DIAPH2: variants seen among roughly 807,000 people sequenced by gnomAD.
DIAPH2 encodes the protein diaphanous related formin 2.
A neutral mutation model predicts 92.7 loss-of-function variants in DIAPH2; 35 were observed. The ratio of observed to expected loss-of-function variants is 0.38; its 90% CI spans 0.29 to 0.50. The LOEUF (loss-of-function observed/expected upper bound fraction) is 0.50, where lower values mean the gene tolerates loss of function less well. DIAPH2 is among the 20% of genes least tolerant of loss of function. DIAPH2 has a pLI of 0.94. For missense variants in DIAPH2, 701 were observed against 819.5 expected (o/e 0.86, Z 1.77); for synonymous variants, 301 against 280.4 (o/e 1.07, Z -0.73).
At chrX:96,907,241 C>A (rs1438737118) in intron 5 of DIAPH2, among the ~76,000 whole-genome samples, 1 of 112,071 alleles carries the variant, frequency 8.9e-6, no homozygotes, top group Non-Finnish European at 1.9e-5. Context: ...AAAATTTTAG[C>A]TGAAGTCTCC....
At chrX:97,297,587 T>G (rs952511556) in intron 23 of DIAPH2, among the ~76,000 whole-genome samples, 6 of 100,517 alleles carry the variant, frequency 6.0e-5, no homozygotes, top group Non-Finnish European at 1.2e-4. Context: ...TTTATTTTAG[T>G]GTTAATTTTT....
intron 4 of DIAPH2, among the ~76,000 whole-genome samples, chrX:96,769,020 T>C (rs2064321450): frequency 9.0e-6 from 1 of 110,856 alleles, no homozygotes; most frequent in African/African-American, 3.3e-5. Context: ...AGGTTAGACA[T>C]AAGGGCAAGG....
rs2065252052 is a variant in DIAPH2 at position 96,885,245 on chromosome X, CT to C, written c.587+3531del. ...TCGCTGCTTTTCTAACTGCTTTGAA[CT>C]TTTCGGATTTTCTGTATTTGAAGCT... is the stretch of plus-strand genomic sequence containing the variant. On this transcript the variant is annotated intron_variant, in intron 5 of 26. Coordinates refer to ENST00000324765, the MANE Select transcript of DIAPH2 (RefSeq NM_006729.5). 6.1e-6 allele frequency: 3 copies of C among 493,744 alleles called. No individual in the cohort carries two copies. In the East Asian group the frequency reaches 1.1e-4, roughly 18 times the overall value. 40.7% of individuals were successfully genotyped at this position (493,744 alleles called of 1,213,427 possible).
chrX:97,140,746 T>A (rs951806074), intron 21 of DIAPH2, among the ~76,000 whole-genome samples: 2 of 111,840 alleles, frequency 1.8e-5, no homozygotes, highest in Non-Finnish European at 3.8e-5. Flanking sequence ...TACCTAAATA[T>A]CCTGTACAGC....
At chrX:97,438,359 G>GTTTTTTTTTT (rs1238654436) in intron 26 of DIAPH2, among the ~76,000 whole-genome samples, 10 of 34,584 alleles carry the variant, frequency 2.9e-4, no homozygotes, top group African/African-American at 3.7e-4. Context: ...TTGTTTGTTT[G>GTTTTTTTTTT]TTTTTTTTTT....
At chrX:97,432,738 C>T (rs944034586) in intron 26 of DIAPH2, among the ~76,000 whole-genome samples, 2 of 111,096 alleles carry the variant, frequency 1.8e-5, no homozygotes, top group African/African-American at 6.5e-5. Context: ...CCGCCCACCT[C>T]GGCCTCCCAA....
intron 17 of DIAPH2, among the ~76,000 whole-genome samples, chrX:96,972,563 C>T (rs748805286): frequency 2.1e-4 from 23 of 110,770 alleles, no homozygotes; most frequent in Admixed American, 5.8e-4. Flanking sequence ...AGATCTTGTC[C>T]AGGCACCAGG....
At chrX:97,371,708 A>G (rs770467843) in intron 24 of DIAPH2, among the ~76,000 whole-genome samples, 3 of 111,373 alleles carry the variant, frequency 2.7e-5, no homozygotes, top group Non-Finnish European at 5.7e-5. Flanking sequence ...AATTGGTCTC[A>G]TCAAAAACCT....
intron 24 of DIAPH2, among the ~76,000 whole-genome samples, chrX:97,380,762 A>G (rs1439803031): frequency 4.5e-5 from 5 of 111,704 alleles, no homozygotes; most frequent in Non-Finnish European, 9.4e-5. Context: ...TCTTTTCAGC[A>G]TGAGGCCTTT....
At chrX:97,499,206 T>C (rs1274056924) in intron 26 of DIAPH2, among the ~76,000 whole-genome samples, 2 of 112,418 alleles carry the variant, frequency 1.8e-5, no homozygotes, top group Non-Finnish European at 3.8e-5. Context: ...TTGTGTCTCT[T>C]ATCTTCTAGA....
At chrX:97,377,206 G>A (rs1021446737) in intron 24 of DIAPH2, among the ~76,000 whole-genome samples, 3 of 112,013 alleles carry the variant, frequency 2.7e-5, no homozygotes, top group African/African-American at 9.7e-5. Context: ...GGACCTGCCC[G>A]AGGCCATTTT....
chrX:97,281,188 A>G (rs2068493816), intron 23 of DIAPH2, among the ~76,000 whole-genome samples: 1 of 112,069 alleles, frequency 8.9e-6, no homozygotes. Flanking sequence ...CAAAGAAAGT[A>G]TTTCTTGAAA....
rs1402253700 is a variant in DIAPH2, at chrX:97,604,733, G to C, written c.*5416G>C. Reference sequence around the variant, plus strand: ...CACAAAACTACCTCTGATACAGAAGGGTTCTTTACAAGCTTATTTTACATA... The same window carrying C: ...CACAAAACTACCTCTGATACAGAAGCGTTCTTTACAAGCTTATTTTACATA... On this transcript the variant is annotated 3_prime_UTR_variant, in exon 27 of 27. Coordinates refer to ENST00000324765, the MANE Select transcript of DIAPH2 (RefSeq NM_006729.5). The C allele has an allele frequency of 1.8e-5, 2 of 112,040 alleles. No individual in the cohort carries two copies. Among genetic ancestry groups the C allele is most frequent in the Non-Finnish European group, 3.8e-5 (2 of 53,149 alleles). 9.2% of individuals were successfully genotyped at this position (112,040 alleles called of 1,213,427 possible).
intron 26 of DIAPH2, among the ~76,000 whole-genome samples, chrX:97,553,985 T>A (rs1414458577): frequency 8.9e-6 from 1 of 111,940 alleles, no homozygotes; most frequent in Non-Finnish European, 1.9e-5. Context: ...ATATGTACCT[T>A]GTATATGTAT....
intron 26 of DIAPH2, among the ~76,000 whole-genome samples, chrX:97,583,147 A>C (rs761342995): frequency 1.8e-5 from 2 of 111,576 alleles, no homozygotes; most frequent in Non-Finnish European, 3.8e-5. Context: ...GAGTAATTTG[A>C]TCGTCTGAAG....
At chrX:97,438,510 T>C (rs1843912018) in intron 26 of DIAPH2, among the ~76,000 whole-genome samples, 1 of 107,805 alleles carries the variant, frequency 9.3e-6, no homozygotes, top group African/African-American at 3.4e-5. Flanking sequence ...GGATGACAGG[T>C]GCATGCCACC....
intron 3 of DIAPH2, among the ~76,000 whole-genome samples, chrX:96,744,152 A>G (rs2064135791): frequency 8.9e-6 from 1 of 112,538 alleles, no homozygotes; most frequent in Non-Finnish European, 1.9e-5. Context: ...TATTTTCTAT[A>G]TTAGTTTGAC....
intron 23 of DIAPH2, among the ~76,000 whole-genome samples, chrX:97,318,009 A>G (rs1454508670): frequency 9.0e-6 from 1 of 111,695 alleles, no homozygotes; most frequent in Non-Finnish European, 1.9e-5. Context: ...AAACATAGTT[A>G]CCCTACTGTG....
chrX:96,859,728 G>A (rs1033124852), intron 4 of DIAPH2, among the ~76,000 whole-genome samples: 11 of 108,831 alleles, frequency 1.0e-4, no homozygotes, highest in Non-Finnish European at 2.1e-4. Flanking sequence ...TGCAAGCTCC[G>A]CCTCCCAGGT....
Sources: gnomAD v4.1 joint callset for allele counts (sites outside exome capture counted in the v4.1 genomes callset) on GRCh38, gnomAD v4.1.1 for gene constraint, MANE v1.5 for transcripts, NCBI Gene and HGNC (gene_info 2026-07-23, HGNC 2026-07-21) for gene names.